PRELID2: variants seen among roughly 807,000 people sequenced by gnomAD.
PRELID2 encodes PRELI domain-containing protein 2.
Under a neutral mutation model 28.4 loss-of-function variants are expected in PRELID2, and 25 were observed. The ratio of observed to expected loss-of-function variants is 0.88; its 90% CI spans 0.64 to 1.23. The LOEUF is 1.23. Among genes scored for constraint, PRELID2 ranks in the 50% most tolerant of loss-of-function variants. The pLI is 0.00. For missense variants in PRELID2, 201 were observed against 214.4 expected, an observed-to-expected ratio of 0.94 and a Z score of 0.39; for synonymous variants, 76 against 71.6, an observed-to-expected ratio of 1.06 and a Z score of -0.31.
chr5:145,366,701 G>GT, the PRELID2 span, among the ~76,000 whole-genome samples: 1 of 151,760 alleles, frequency 6.6e-6, no homozygotes, highest in Non-Finnish European at 1.5e-5. Context: ...AAACCAAAGC[G>GT]TATCTCTGTG....
intron 1 of PRELID2, among the ~76,000 whole-genome samples, chr5:145,741,277 A>C (rs1756720272): frequency 1.8e-5 from 2 of 111,688 alleles, no homozygotes; most frequent in Admixed American, 2.3e-4. Flanking sequence ...TTTATATTTT[A>C]TGTATATATA....
At chr5:145,453,428 C>A in the PRELID2 span, among the ~76,000 whole-genome samples, 1 of 152,100 alleles carries the variant, frequency 6.6e-6, no homozygotes, top group Non-Finnish European at 1.5e-5. Context: ...TGCTTAGAAC[C>A]ACCAACGGTT....
chr5:145,614,939 T>C (rs1753672594), intron 1 of PRELID2, among the ~76,000 whole-genome samples: 1 of 152,204 alleles, frequency 6.6e-6, no homozygotes, highest in African/African-American at 2.4e-5. Context: ...CAATGTATAG[T>C]TTAAATCCAT....
chr5:145,768,273 A>C (rs1757897318), intron 5 of PRELID2, among the ~76,000 whole-genome samples: 1 of 151,458 alleles, frequency 6.6e-6, no homozygotes, highest in South Asian at 2.1e-4. Context: ...ATTGGGGACA[A>C]GGGACGAAAC....
At chr5:145,784,734 G>A (rs1751873491) in intron 5 of PRELID2, among the ~76,000 whole-genome samples, 2 of 149,804 alleles carry the variant, frequency 1.3e-5, no homozygotes, top group Admixed American at 6.6e-5. Context: ...AGAAAAAAAT[G>A]TTTATAAATA....
chr5:145,299,564 G>C, the PRELID2 span, among the ~76,000 whole-genome samples: 357 of 151,866 alleles, frequency 2.4e-3, 1 homozygote, highest in African/African-American at 8.4e-3. Flanking sequence ...CCTGACACCT[G>C]ATCGTTGCAT....
chr5:145,377,239 T>G, the PRELID2 span, among the ~76,000 whole-genome samples: 1 of 152,232 alleles, frequency 6.6e-6, no homozygotes, highest in African/African-American at 2.4e-5. Flanking sequence ...TTAATTGCAC[T>G]GTGGTCTGAC....
intron 1 of PRELID2, among the ~76,000 whole-genome samples, chr5:145,511,101 G>C (rs1448606249): frequency 6.6e-6 from 1 of 152,184 alleles, no homozygotes; most frequent in African/African-American, 2.4e-5. Flanking sequence ...GAAGGGTAAT[G>C]ATGTCAATCT....
intron 1 of PRELID2, among the ~76,000 whole-genome samples, chr5:145,742,721 C>G (rs1756870434): frequency 6.7e-6 from 1 of 150,144 alleles, no homozygotes. Flanking sequence ...AAGCCCAAAG[C>G]AAGCAGAAGA....
intron 1 of PRELID2, among the ~76,000 whole-genome samples, chr5:145,699,272 C>A (rs1056155862): frequency 6.6e-6 from 1 of 152,000 alleles, no homozygotes; most frequent in Non-Finnish European, 1.5e-5. Context: ...GGAAGAGGAG[C>A]CTTGCTGCAA....
intron 1 of PRELID2, among the ~76,000 whole-genome samples, chr5:145,654,905 C>T (rs1374276879): frequency 4.6e-5 from 7 of 152,196 alleles, no homozygotes; most frequent in Middle Eastern, 3.4e-3. Context: ...CCAGGGCAAT[C>T]AGGCAGGAGA....
At chr5:145,268,886 T>C in the PRELID2 span, among the ~76,000 whole-genome samples, 2 of 152,122 alleles carry the variant, frequency 1.3e-5, no homozygotes, top group Non-Finnish European at 2.9e-5. Flanking sequence ...TTTCTTTATA[T>C]TGAAAATAAG....
intron 1 of PRELID2, among the ~76,000 whole-genome samples, chr5:145,713,477 A>T (rs1424355481): frequency 2.1e-5 from 3 of 144,200 alleles, no homozygotes; most frequent in Non-Finnish European, 3.0e-5. Context: ...ATATACACAC[A>T]CTATATATAT....
intron 1 of PRELID2, among the ~76,000 whole-genome samples, chr5:145,641,923 A>G (rs1178114532): frequency 6.6e-6 from 1 of 152,216 alleles, no homozygotes; most frequent in African/African-American, 2.4e-5. Flanking sequence ...CTTGATGGAC[A>G]TTTGGGTTGG....
At chr5:145,815,752 G>C (rs1754258518) in intron 4 of PRELID2, among the ~76,000 whole-genome samples, 1 of 152,086 alleles carries the variant, frequency 6.6e-6, no homozygotes, top group Admixed American at 6.5e-5. Flanking sequence ...ATTCCTTTTT[G>C]TAGCTAAATA....
chr5:145,330,380 T>G, the PRELID2 span, among the ~76,000 whole-genome samples: 3 of 152,196 alleles, frequency 2.0e-5, no homozygotes, highest in African/African-American at 7.2e-5. Flanking sequence ...CTAGTAAAAT[T>G]CGGCTGTGAA....
chr5:145,816,076 CTTTTTT>C (rs1191298938), intron 4 of PRELID2, among the ~76,000 whole-genome samples: 3 of 89,040 alleles, frequency 3.4e-5, no homozygotes, highest in African/African-American at 4.7e-5. Context: ...TATTGTGTGT[CTTTTTT>C]TTTTTTTTTT....
the PRELID2 span, among the ~76,000 whole-genome samples, chr5:145,241,088 A>G: frequency 1.3e-5 from 2 of 152,064 alleles, no homozygotes; most frequent in South Asian, 4.1e-4. Context: ...GATTTGACCC[A>G]TAAAGTGGAC....
chr5:145,659,883 G>T (rs1340028900), intron 1 of PRELID2, among the ~76,000 whole-genome samples: 1 of 152,140 alleles, frequency 6.6e-6, no homozygotes, highest in East Asian at 1.9e-4. Flanking sequence ...GAAATATGGT[G>T]AGTCTATGTG....
Sources: gnomAD v4.1 joint callset for allele counts (sites outside exome capture counted in the v4.1 genomes callset) on GRCh38, gnomAD v4.1.1 for gene constraint, MANE v1.5 for transcripts, NCBI Gene and HGNC (gene_info 2026-07-23, HGNC 2026-07-21) for gene names.